R3HCC1L: variants seen among roughly 807,000 people sequenced by gnomAD.
R3HCC1L encodes the protein coiled-coil domain-containing protein R3HCC1L.
R3HCC1L carries 51 observed loss-of-function variants against 59.9 expected under a neutral mutation model. That is an observed-to-expected ratio of 0.85 (90% CI 0.68 to 1.07). The LOEUF is 1.07. R3HCC1L is among the 50% of genes least tolerant of loss of function. The pLI is 0.00. For synonymous variants in R3HCC1L, 322 were observed against 315.2 expected, an observed-to-expected ratio of 1.02 and a Z score of -0.23; for missense variants, 965 against 933.0, an observed-to-expected ratio of 1.03 and a Z score of -0.45.
chr10:98,210,604 C>T (rs1853456021), intron 5 of R3HCC1L, among the ~76,000 whole-genome samples: 2 of 152,134 alleles, frequency 1.3e-5, no homozygotes, highest in Admixed American at 6.6e-5. Flanking sequence ...AGAACACTCC[C>T]TCTTTCCTTC....
intron 1 of R3HCC1L, among the ~76,000 whole-genome samples, chr10:98,152,102 G>A (rs1486751878): frequency 7.2e-5 from 11 of 152,322 alleles, no homozygotes; most frequent in African/African-American, 2.4e-4. Flanking sequence ...GCAGGCGCGC[G>A]CCGCCACGCC....
At chr10:98,190,657 CTTT>C (rs1346838534) in intron 4 of R3HCC1L, among the ~76,000 whole-genome samples, 3 of 152,082 alleles carry the variant, frequency 2.0e-5, no homozygotes, top group South Asian at 2.1e-4. Context: ...ATTTTATGGA[CTTT>C]TTTATTATTA....
chr10:98,135,537 G>T (rs142223836), intron 1 of R3HCC1L, among the ~76,000 whole-genome samples: 1 of 152,192 alleles, frequency 6.6e-6, no homozygotes, highest in Non-Finnish European at 1.5e-5. Context: ...GTCTAGGTCA[G>T]TTGAGTTTTA....
chr10:98,151,300 A>G (rs542954474), intron 1 of R3HCC1L, among the ~76,000 whole-genome samples: 3 of 152,226 alleles, frequency 2.0e-5, no homozygotes, highest in East Asian at 3.9e-4. Flanking sequence ...CTAGGTTTGA[A>G]TGATCTCTTT....
At chr10:98,149,486 A>G (rs1466889136) in intron 1 of R3HCC1L, among the ~76,000 whole-genome samples, 1 of 152,148 alleles carries the variant, frequency 6.6e-6, no homozygotes, top group African/African-American at 2.4e-5. Context: ...ATTTATTGCT[A>G]TAACTTCCCT....
At chr10:98,174,792 C>T in intron 4 of R3HCC1L, 2 of 971,730 alleles carry the variant, frequency 2.1e-6, no homozygotes, top group Non-Finnish European at 2.4e-6. Flanking sequence ...ATATTGTATG[C>T]TCTGGTGAAT....
At chr10:98,181,024 T>C in intron 4 of R3HCC1L, among the ~76,000 whole-genome samples, 1 of 152,252 alleles carries the variant, frequency 6.6e-6, no homozygotes. Flanking sequence ...CTGTGTCTTT[T>C]AATTGGAGCA....
At chr10:98,226,073 C>G (rs1462705897) in intron 5 of R3HCC1L, among the ~76,000 whole-genome samples, 1 of 152,078 alleles carries the variant, frequency 6.6e-6, no homozygotes, top group Non-Finnish European at 1.5e-5. Flanking sequence ...GTCTTGAACT[C>G]AAGCAGTTTG....
intron 1 of R3HCC1L, among the ~76,000 whole-genome samples, chr10:98,139,322 A>T (rs1442714887): frequency 1.3e-5 from 2 of 152,240 alleles, no homozygotes; most frequent in South Asian, 2.1e-4. Flanking sequence ...TAGCCGTCAC[A>T]CTATGTATAA....
At chr10:98,183,565 C>G (rs1849883021) in intron 4 of R3HCC1L, among the ~76,000 whole-genome samples, 4 of 152,040 alleles carry the variant, frequency 2.6e-5, no homozygotes, top group Admixed American at 2.6e-4. Flanking sequence ...CTTATTGTCT[C>G]TCTTTCTGGA....
intron 4 of R3HCC1L, among the ~76,000 whole-genome samples, chr10:98,187,190 A>G (rs1850304990): frequency 6.6e-6 from 1 of 151,988 alleles, no homozygotes. Flanking sequence ...TTGGGACCAG[A>G]AGTGTTTTTG....
intron 4 of R3HCC1L, among the ~76,000 whole-genome samples, chr10:98,203,835 A>G (rs894963172): frequency 6.6e-6 from 1 of 152,192 alleles, no homozygotes; most frequent in African/African-American, 2.4e-5. Context: ...GTGCTCAGGT[A>G]TGATCCCAGT....
At chr10:98,134,922 C>T (rs1008737313) in intron 1 of R3HCC1L, among the ~76,000 whole-genome samples, 2 of 152,176 alleles carry the variant, frequency 1.3e-5, no homozygotes, top group African/African-American at 4.8e-5. Flanking sequence ...TTGAGAGGGA[C>T]CCTCCCGGGG....
At chr10:98,181,509 CT>C (rs1242212174) in intron 4 of R3HCC1L, among the ~76,000 whole-genome samples, 2 of 152,142 alleles carry the variant, frequency 1.3e-5, no homozygotes, top group African/African-American at 4.8e-5. Flanking sequence ...GGTTGCTCTT[CT>C]TGAGGAGTAT....
intron 4 of R3HCC1L, among the ~76,000 whole-genome samples, chr10:98,197,374 A>G (rs948001307): frequency 1.3e-5 from 2 of 152,172 alleles, no homozygotes; most frequent in African/African-American, 4.8e-5. Context: ...CGATTTAAAC[A>G]TCAGCTCAGG....
At chr10:98,230,202 G>A (rs544407118) in intron 5 of R3HCC1L, among the ~76,000 whole-genome samples, 22 of 152,158 alleles carry the variant, frequency 1.4e-4, no homozygotes, top group Non-Finnish European at 2.2e-4. Flanking sequence ...CTGTGAATCC[G>A]TCTGGTCCTG....
intron 4 of R3HCC1L, among the ~76,000 whole-genome samples, chr10:98,178,321 A>T (rs1055806166): frequency 9.2e-5 from 14 of 152,188 alleles, no homozygotes; most frequent in Non-Finnish European, 2.1e-4. Flanking sequence ...TTAAATAGGG[A>T]ATCCTTTCCC....
intron 1 of R3HCC1L, among the ~76,000 whole-genome samples, chr10:98,142,252 A>G (rs907375523): frequency 6.6e-6 from 1 of 152,224 alleles, no homozygotes; most frequent in African/African-American, 2.4e-5. Flanking sequence ...ATGCATGTTC[A>G]CTGCAGACAG....
At chr10:98,159,053 G>C (rs1407348079) in intron 2 of R3HCC1L, among the ~76,000 whole-genome samples, 1 of 152,110 alleles carries the variant, frequency 6.6e-6, no homozygotes, top group Non-Finnish European at 1.5e-5. Flanking sequence ...TGATCCTCTT[G>C]CCTTGGCCTT....
Sources: gnomAD v4.1 joint callset for allele counts (sites outside exome capture counted in the v4.1 genomes callset) on GRCh38, gnomAD v4.1.1 for gene constraint, MANE v1.5 for transcripts, NCBI Gene and HGNC (gene_info 2026-07-23, HGNC 2026-07-21) for gene names.